Variants in DPYD observed in about 807,000 individuals in gnomAD.
DPYD encodes dihydropyrimidine dehydrogenase [NADP(+)].
A neutral mutation model predicts 116.2 loss-of-function variants in DPYD; 109 were observed. The observed-to-expected ratio is 0.94, with a 90% CI of 0.80 to 1.10. DPYD has a LOEUF of 1.10. Among genes scored for constraint, DPYD ranks in the 50% least tolerant of loss-of-function variants. The pLI is 0.00. For synonymous variants in DPYD, 440 were observed against 432.0 expected (o/e 1.02, Z -0.23); for missense variants, 1,302 against 1,254.5 (o/e 1.04, Z -0.57).
chr1:97,892,152 T>C (rs1199914194), intron 1 of DPYD, among the ~76,000 whole-genome samples: 1 of 151,818 alleles, frequency 6.6e-6, no homozygotes, highest in Non-Finnish European at 1.5e-5. Context: ...TACTTTGATT[T>C]CAATATAACA....
At chr1:97,532,465 C>A (rs1422490016) in intron 12 of DPYD, among the ~76,000 whole-genome samples, 2 of 152,114 alleles carry the variant, frequency 1.3e-5, no homozygotes, top group Non-Finnish European at 2.9e-5. Flanking sequence ...ATTAATTCTT[C>A]TTTAAATGTA....
At chr1:97,424,978 G>A (rs981118651) in intron 14 of DPYD, among the ~76,000 whole-genome samples, 6 of 151,936 alleles carry the variant, frequency 3.9e-5, no homozygotes, top group African/African-American at 9.7e-5. Flanking sequence ...AAAAATATAT[G>A]AAGTTATAAC....
chr1:97,668,026 G>T lies in DPYD; in HGVS notation c.850+11069C>A, dbSNP rs79549366. On this transcript the variant is annotated intron_variant, in intron 8 of 22. Transcript: ENST00000370192. Reference sequence around the variant, plus strand: ...GAATAGTCAAATTCATAGATTTGTTGCTTAATAGGTATAGTTTCAGTTTTG... The same window carrying T: ...GAATAGTCAAATTCATAGATTTGTTTCTTAATAGGTATAGTTTCAGTTTTG... Among the ~76,000 whole-genome samples, 398 of 152,112 alleles carry T rather than the reference G, an allele frequency of 2.6e-3. 11 individuals are homozygous for T. In the East Asian group the frequency reaches 0.064, roughly 24 times the overall value.
At chr1:97,164,769 T>C (rs1482474677) in intron 20 of DPYD, among the ~76,000 whole-genome samples, 4 of 151,766 alleles carry the variant, frequency 2.6e-5, no homozygotes, top group Non-Finnish European at 5.9e-5. Context: ...CTCAAATAAA[T>C]CAGAGATGAC....
At chr1:97,611,784 T>C (rs1655968095) in intron 8 of DPYD, among the ~76,000 whole-genome samples, 1 of 152,034 alleles carries the variant, frequency 6.6e-6, no homozygotes, top group African/African-American at 2.4e-5. Context: ...TTAATAGCAC[T>C]GAGATTAGGA....
chr1:97,580,251 T>A (rs1231288135), intron 10 of DPYD, among the ~76,000 whole-genome samples: 1 of 152,200 alleles, frequency 6.6e-6, no homozygotes, highest in African/African-American at 2.4e-5. Context: ...TTTATAAAGG[T>A]TACCCTCTAA....
intron 10 of DPYD, among the ~76,000 whole-genome samples, chr1:97,574,751 G>T (rs1399360684): frequency 6.6e-6 from 1 of 152,134 alleles, no homozygotes; most frequent in Non-Finnish European, 1.5e-5. Context: ...CTTTGTCAAT[G>T]CAATCAGAAG....
chr1:97,414,961 T>C (rs1489310147), intron 14 of DPYD, among the ~76,000 whole-genome samples: 1 of 152,216 alleles, frequency 6.6e-6, no homozygotes. Flanking sequence ...AAAAAACTCA[T>C]TAACTTATTT....
intron 20 of DPYD, among the ~76,000 whole-genome samples, chr1:97,134,594 G>A (rs924697037): frequency 1.3e-5 from 2 of 152,154 alleles, no homozygotes; most frequent in African/African-American, 2.4e-5. Context: ...AGGAGGAAAC[G>A]TGTCAACAAA....
chr1:97,540,677 A>G (rs972812657), intron 12 of DPYD, among the ~76,000 whole-genome samples: 4 of 152,314 alleles, frequency 2.6e-5, no homozygotes, highest in Middle Eastern at 3.4e-3. Flanking sequence ...TGATTAGATC[A>G]TTGGCCACTG....
intron 4 of DPYD, among the ~76,000 whole-genome samples, chr1:97,736,087 A>C (rs900705498): frequency 3.3e-5 from 5 of 152,100 alleles, no homozygotes; most frequent in African/African-American, 1.2e-4. Flanking sequence ...ATTGCAAAGA[A>C]AAATAAGTAG....
At chr1:97,512,233 T>C (rs1036893317) in intron 13 of DPYD, among the ~76,000 whole-genome samples, 1 of 150,156 alleles carries the variant, frequency 6.7e-6, no homozygotes, top group Non-Finnish European at 1.5e-5. Flanking sequence ...AATACTTTGA[T>C]GCCAAAAAAA....
chr1:97,187,211 C>CT (rs377094492), intron 20 of DPYD, among the ~76,000 whole-genome samples: 9 of 151,902 alleles, frequency 5.9e-5, no homozygotes, highest in African/African-American at 9.7e-5. Flanking sequence ...TAAGCATTCC[C>CT]TTTTTTTTCC....
At chr1:97,888,645 T>C (rs539915875) in intron 1 of DPYD, among the ~76,000 whole-genome samples, 2 of 151,728 alleles carry the variant, frequency 1.3e-5, no homozygotes, top group South Asian at 4.1e-4. Flanking sequence ...AAATAATTCA[T>C]CATGTAAAAA....
intron 5 of DPYD, among the ~76,000 whole-genome samples, chr1:97,702,345 AG>A (rs1377868206): frequency 2.0e-5 from 3 of 151,762 alleles, no homozygotes; most frequent in Non-Finnish European, 4.4e-5. Flanking sequence ...AACGTGATCA[AG>A]GATCTCTGAT....
chr1:97,868,331 T>TCTTGATAACATACTAC (rs1466603224), intron 2 of DPYD, among the ~76,000 whole-genome samples: 3 of 151,728 alleles, frequency 2.0e-5, no homozygotes, highest in African/African-American at 4.8e-5. Context: ...TCACATACAC[T>TCTTGATAACATACTAC]CTTGATAACA....
At chr1:97,710,581 T>A (rs994921811) in intron 5 of DPYD, among the ~76,000 whole-genome samples, 12 of 151,856 alleles carry the variant, frequency 7.9e-5, no homozygotes, top group Non-Finnish European at 1.5e-4. Context: ...ATTTTCATAT[T>A]ATTAAAATAG....
intron 1 of DPYD, among the ~76,000 whole-genome samples, chr1:97,886,371 A>T (rs2101649419): frequency 6.6e-6 from 1 of 152,114 alleles, no homozygotes; most frequent in South Asian, 2.1e-4. Flanking sequence ...AGTGCAGCTG[A>T]CAGGTCAGGA....
intron 14 of DPYD, among the ~76,000 whole-genome samples, chr1:97,403,141 G>A (rs1252215229): frequency 6.6e-6 from 1 of 152,072 alleles, no homozygotes; most frequent in African/African-American, 2.4e-5. Flanking sequence ...AAAAAGTACA[G>A]AGGCTCCTTG....
Sources: gnomAD v4.1 joint callset for allele counts (sites outside exome capture counted in the v4.1 genomes callset) on GRCh38, gnomAD v4.1.1 for gene constraint, MANE v1.5 for transcripts, NCBI Gene and HGNC (gene_info 2026-07-23, HGNC 2026-07-21) for gene names.